ACRBP: variants seen among roughly 807,000 people sequenced by gnomAD.
ACRBP encodes acrosin-binding protein.
A neutral mutation model predicts 69.0 loss-of-function variants in ACRBP; 52 were observed. The ratio of observed to expected loss-of-function variants is 0.75; its 90% CI spans 0.60 to 0.95. ACRBP has a LOEUF of 0.95. Ranked by LOEUF, ACRBP falls within the 40% of genes least tolerant of loss-of-function variation. The probability of loss-of-function intolerance (pLI) is 0.00; values close to 1 mark genes in which losing one functional copy is unlikely to be tolerated. For missense variants in ACRBP, 604 were observed against 673.0 expected (o/e 0.90, Z 1.13); for synonymous variants, 267 against 258.9 (o/e 1.03, Z -0.30).
chr12:6,643,742 C>T (rs1180138912), intron 5 of ACRBP, 71 bp from the exon 6 acceptor site: 11 of 1,580,608 alleles, frequency 7.0e-6, no homozygotes, highest in South Asian at 1.1e-5. Context: ...CCAGTCTCTT[C>T]CCCTTCCCTT....
chr12:6,643,462 C>A (rs1190554545), intron 6 of ACRBP, 77 bp downstream of exon 6: 3 of 1,560,090 alleles, frequency 1.9e-6, no homozygotes, highest in South Asian at 1.2e-5. Flanking sequence ...CCATCCTCCA[C>A]TCCCATAGCC....
intron 8 of ACRBP, 38 bp from the exon 9 acceptor site, chr12:6,639,075 A>G (rs938998768): frequency 1.3e-6 from 2 of 1,573,376 alleles, no homozygotes; most frequent in Middle Eastern, 1.7e-4. Flanking sequence ...AGGGTATCAG[A>G]AGCCTCACCA....
Position 6,640,354 on chromosome 12 carries a change from T to G in ACRBP, c.1246A>C (p.Ile416Leu). The G allele has an allele frequency of 6.2e-7, 1 of 1,614,112 alleles. No individual in the cohort carries two copies. The highest frequency in any genetic ancestry group is 1.1e-5 in the South Asian group (1 of 91,074). The change falls in exon 7 of 10, where the codon ATC (isoleucine) becomes CTC (leucine). Residue 416 changes from isoleucine to leucine, a missense_variant. Coordinates refer to ENST00000229243, the MANE Select transcript of ACRBP (RefSeq NM_032489.3). This position sits in a 1 kb window ranked among gnomAD's most constrained non-coding sequence, Gnocchi z 5.3. Reference protein sequence around the residue: ...SPLLASQSLSIGNQVGSPESG... With the variant: ...SPLLASQSLSLGNQVGSPESG... ...GCCGGGCTAGATACCTGGTTGCCGATGGACAGGCTCTGGGAGGCAAGCAAG... is the reference window on the plus strand; with the variant it reads ...GCCGGGCTAGATACCTGGTTGCCGAGGGACAGGCTCTGGGAGGCAAGCAAG...
At chr12:6,647,150 A>G in intron 1 of ACRBP, 138 bp from the exon 2 acceptor site, 1 of 1,104,782 alleles carries the variant, frequency 9.1e-7, no homozygotes, top group South Asian at 1.4e-5. Flanking sequence ...GAGTCTAGAG[A>G]CAGAGGCAAA....
At chr12:6,642,449 C>T (rs1949059841) in intron 6 of ACRBP, among the ~76,000 whole-genome samples, 1 of 152,036 alleles carries the variant, frequency 6.6e-6, no homozygotes, top group South Asian at 2.1e-4. Flanking sequence ...CAGGGGACAC[C>T]CAAATCTTTG....
At position 6,640,464 on chromosome 12, in the gene ACRBP, G is replaced by A. The variant is rs774750000; in HGVS notation, c.1136C>T (p.Ser379Phe). 80 of 1,614,036 alleles carry A rather than the reference G, an allele frequency of 5.0e-5. No individual in the cohort carries two copies. The highest frequency in any genetic ancestry group is 1.7e-5 in the Admixed American group (1 of 60,004). Residue 379 changes from serine (S) to phenylalanine (F), a missense_variant, in exon 7 of 10, where the codon TCC becomes TTC. Around this residue, in one of 3 missense-constraint regions of ACRBP, gnomAD observed 532 missense variants for 562.9 expected, o/e 0.95. Coordinates refer to ENST00000229243, the MANE Select transcript of ACRBP (RefSeq NM_032489.3). This position sits in a 1 kb window ranked among gnomAD's most constrained non-coding sequence, Gnocchi z 5.3. ...MSTCALCDFC[S>F]LKLEQCHSEA... ...TGAGTGGCACTGCTCCAGCTTCAAGGAGCAGAAGTCACAGAGGGCACAGGT... is the reference window on the plus strand; with the variant it reads ...TGAGTGGCACTGCTCCAGCTTCAAGAAGCAGAAGTCACAGAGGGCACAGGT...
At chr12:6,646,105 G>A (rs989182572) in intron 3 of ACRBP, among the ~76,000 whole-genome samples, 7 of 148,930 alleles carry the variant, frequency 4.7e-5, no homozygotes, top group East Asian at 2.0e-4. Flanking sequence ...GATTACAGGC[G>A]CCCATCACCA....
rs1367614433 is a variant in ACRBP at position 6,647,140 on chromosome 12, G to C, written c.44-128C>G. ...TTATCCCTGCTGACCAGGGCGGGGGGAGTCTAGAGACAGAGGCAAAGGTCC... is the reference window on the plus strand; with the variant it reads ...TTATCCCTGCTGACCAGGGCGGGGGCAGTCTAGAGACAGAGGCAAAGGTCC... On this transcript the variant is annotated intron_variant, in intron 1 of 9. Coordinates refer to ENST00000229243, the MANE Select transcript of ACRBP (RefSeq NM_032489.3). 4.5e-6 allele frequency: 5 copies of C among 1,100,090 alleles called. No homozygotes were observed. The Admixed American group carries it at 1.1e-4, about 23-fold the overall frequency. 68.1% of individuals were successfully genotyped at this position (1,100,090 alleles called of 1,614,324 possible). A position where few individuals can be genotyped will look rare whatever the true frequency, so the allele number is the denominator to read the frequency against.
intron 6 of ACRBP, among the ~76,000 whole-genome samples, chr12:6,642,850 G>T (rs1299055351): frequency 6.6e-6 from 1 of 152,144 alleles, no homozygotes; most frequent in African/African-American, 2.4e-5. Flanking sequence ...CATTGAGACT[G>T]GAATCTCTTT....
rs1949072076 is a variant in ACRBP, at chr12:6,644,213, G to C, written c.868C>G (p.Arg290Gly). 6.2e-7 allele frequency: 1 copy of C among 1,613,528 alleles called. No homozygotes were observed. Among genetic ancestry groups the C allele is most frequent in the South Asian group, 1.1e-5 (1 of 91,082 alleles). The change falls in exon 5 of 10, where the codon CGA becomes GGA. Residue 290 changes from arginine to glycine, a missense_variant. Transcript: ENST00000229243. Reference sequence around the variant, plus strand: ...ATTTCATCTATTTCCTGGGCTGATCGAATGAGCTCCTGGATGTTCTCCATT... The same window carrying C: ...ATTTCATCTATTTCCTGGGCTGATCCAATGAGCTCCTGGATGTTCTCCATT... ...MIMENIQELI[R>G]SAQEIDEMNE...
At chr12:6,646,104 C>G (rs540989557) in intron 3 of ACRBP, among the ~76,000 whole-genome samples, 93 of 151,092 alleles carry the variant, frequency 6.2e-4, no homozygotes, top group African/African-American at 2.1e-3. Flanking sequence ...GGATTACAGG[C>G]GCCCATCACC....
chr12:6,640,640 C>G lies in ACRBP; in HGVS notation c.1078-118G>C. 1.7e-6 allele frequency: 2 copies of G among 1,181,454 alleles called. No individual in the cohort carries two copies. Among genetic ancestry groups the G allele is most frequent in the Non-Finnish European group, 2.3e-6 (2 of 855,870 alleles). The allele number at this position is 1,181,454 out of a possible 1,614,324, so 73.2% of individuals were successfully genotyped here. Reference sequence around the variant, plus strand: ...CTTTGCATTTAGCCTCTTCCAAAAGCTTCTCTGGGTTTTCTACTTGGCCTC... The same window carrying G: ...CTTTGCATTTAGCCTCTTCCAAAAGGTTCTCTGGGTTTTCTACTTGGCCTC... On this transcript the variant is annotated intron_variant, in intron 6 of 9. Transcript: ENST00000229243. This position sits in a 1 kb window ranked among gnomAD's most constrained non-coding sequence, Gnocchi z 5.3.
chr12:6,644,108 G>A (rs529376904), intron 5 of ACRBP, 29 bp downstream of exon 5: 3 of 1,543,468 alleles, frequency 1.9e-6, no homozygotes, highest in Admixed American at 2.0e-5. Context: ...GGAGGGCAGG[G>A]TGGATGACAG....
chr12:6,647,415 G>A lies in ACRBP; in HGVS notation c.-49C>T, dbSNP rs923211259. 4.1e-6 allele frequency: 6 copies of A among 1,480,282 alleles called. No homozygotes were observed. The highest frequency in any genetic ancestry group is 2.6e-5 in the East Asian group (1 of 39,172). The allele number at this position is 1,480,282 out of a possible 1,614,324, so 91.7% of individuals were successfully genotyped here. A position where few individuals can be genotyped will look rare whatever the true frequency, so the allele number is the denominator to read the frequency against. On this transcript the variant is annotated 5_prime_UTR_variant, in exon 1 of 10. Coordinates refer to ENST00000229243, the MANE Select transcript of ACRBP (RefSeq NM_032489.3). ...CCCGTGGACACAAGCCGCCTCTAAC[G>A]GGCCAAGCCGCAGAGAGAGCCGCAG...
At chr12:6,646,691 C>A in intron 2 of ACRBP, 103 bp downstream of exon 2, 1 of 1,519,110 alleles carries the variant, frequency 6.6e-7, no homozygotes, top group South Asian at 1.1e-5. Flanking sequence ...TGGTGTGGTG[C>A]CAGCCATGCC....
intron 3 of ACRBP, among the ~76,000 whole-genome samples, chr12:6,645,968 G>GT (rs1393797428): frequency 1.2e-4 from 17 of 142,720 alleles, no homozygotes; most frequent in African/African-American, 3.8e-4. Context: ...CCCTGTTGTT[G>GT]TTTTTTTTTG....
In ACRBP at chr12:6,647,025, C is replaced by T. The variant is rs776377141; in HGVS notation, c.44-13G>A. On this transcript the variant is annotated splice_polypyrimidine_tract_variant and intron_variant, in intron 1 of 9. Coordinates refer to ENST00000229243, the MANE Select transcript of ACRBP (RefSeq NM_032489.3). ...GGCAGGAGCAGCACTGCGGAGCGGG[C>T]GAACGGATGATGGAAGGACCGAACC... 6.2e-6 allele frequency: 10 copies of T among 1,604,764 alleles called. No individual in the cohort carries two copies. In the East Asian group the frequency reaches 2.2e-4, roughly 36 times the overall value.
rs372695416 is a variant in ACRBP, at chr12:6,646,449, G to A, written c.357+34C>T. 1.1e-5 allele frequency: 18 copies of A among 1,595,682 alleles called. No individual in the cohort carries two copies. In the South Asian group the frequency reaches 1.9e-4, roughly 17 times the overall value. ...TGCTGCCGCCTCTCCCTTGGCCCTG[G>A]GGCACCAAATCCAACCTTTGTCCTG... On this transcript the variant is annotated intron_variant, in intron 3 of 9. Transcript: ENST00000229243.
At chr12:6,643,740 T>A in intron 5 of ACRBP, 69 bp from the exon 6 acceptor site, 1 of 1,580,218 alleles carries the variant, frequency 6.3e-7, no homozygotes, top group Non-Finnish European at 8.6e-7. Context: ...ATCCAGTCTC[T>A]TCCCCTTCCC....
Sources: allele counts gnomAD v4.1 joint callset (sites outside exome capture counted in the v4.1 genomes callset), GRCh38; gene constraint gnomAD v4.1.1; regional missense constraint gnomAD v4.1.1; non-coding constraint Gnocchi (gnomAD v3.1); transcripts MANE v1.5; gene names NCBI Gene and HGNC (gene_info 2026-07-23, HGNC 2026-07-21).